Variants in ADCK2 observed in about 807,000 individuals in gnomAD.
ADCK2 encodes the protein uncharacterized aarF domain-containing protein kinase 2.
Under a neutral mutation model 52.3 loss-of-function variants are expected in ADCK2, and 37 were observed. The observed-to-expected ratio is 0.71, with a 90% CI of 0.54 to 0.93. The LOEUF (loss-of-function observed/expected upper bound fraction) is 0.93, where lower values mean the gene tolerates loss of function less well. Ranked by LOEUF, ADCK2 falls within the 40% of genes least tolerant of loss-of-function variation. The probability of loss-of-function intolerance (pLI) is 0.00; values close to 1 mark genes in which losing one functional copy is unlikely to be tolerated. For synonymous variants in ADCK2, 321 were observed against 349.2 expected, an observed-to-expected ratio of 0.92 and a Z score of 0.90; for missense variants, 695 against 798.7, an observed-to-expected ratio of 0.87 and a Z score of 1.56.
intron 4 of ADCK2, among the ~76,000 whole-genome samples, chr7:140,685,898 A>G (rs1336650698): frequency 6.6e-6 from 1 of 151,946 alleles, no homozygotes; most frequent in Non-Finnish European, 1.5e-5. Flanking sequence ...GCCAAATCCA[A>G]CACAATCCCT....
chr7:140,673,811 GA>G lies in ADCK2; in HGVS notation c.482del (p.Glu161GlyfsTer14). 6.2e-7 allele frequency: 1 copy of G among 1,613,674 alleles called. No individual in the cohort carries two copies. Among genetic ancestry groups the G allele is most frequent in the Non-Finnish European group, 8.5e-7 (1 of 1,180,006 alleles). On this transcript the variant is annotated frameshift_variant, in exon 1 of 8. Coordinates refer to ENST00000072869, the MANE Select transcript of ADCK2 (RefSeq NM_052853.4). LOFTEE classifies it high-confidence loss of function. The surrounding 1 kb of genome is among the most constrained non-coding windows in gnomAD (Gnocchi z 6.4). ...WASTRRDLFS[E>X]AFCAQFSKLH... ...CAGCACCCGGCGCGATCTGTTTTCGGAGGCTTTCTGTGCCCAATTTTCCAAG... is the reference window on the plus strand; with the variant it reads ...CAGCACCCGGCGCGATCTGTTTTCGGGGCTTTCTGTGCCCAATTTTCCAAG...
Position 140,689,633 on chromosome 7 carries a change from C to G in ADCK2, c.1594C>G (p.Arg532Gly), listed in dbSNP as rs199869285. 1 of 1,611,878 alleles carries G rather than the reference C, an allele frequency of 6.2e-7. No individual in the cohort carries two copies. The change falls in exon 6 of 8, where the codon CGG (arginine) becomes GGG (glycine). Residue 532 changes from arginine (R) to glycine (G), a missense_variant. Coordinates refer to ENST00000072869, the MANE Select transcript of ADCK2 (RefSeq NM_052853.4). ...GGCTGAGCTGATCCTGCATCATGCC[C>G]GGGCCAGCGAGTGCAGGGACGTGGA... ...RVAELILHHARASECRDVEGF... is the reference protein window; with the variant it reads ...RVAELILHHAGASECRDVEGF...
intron 5 of ADCK2, among the ~76,000 whole-genome samples, chr7:140,687,772 G>A (rs2130789457): frequency 6.6e-6 from 1 of 152,076 alleles, no homozygotes; most frequent in East Asian, 1.9e-4. Context: ...CAGCTACTTG[G>A]GAGGCTGAGG....
chr7:140,674,742 G>A lies in ADCK2; in HGVS notation c.1065G>A (p.Lys355=). The A allele has an allele frequency of 1.2e-6, 2 of 1,614,074 alleles. No homozygotes were observed. Among genetic ancestry groups the A allele is most frequent in the African/African-American group, 1.3e-5 (1 of 75,042 alleles). The change falls in exon 2 of 8, where the codon AAG becomes AAA. Residue 355 remains lysine (K), a synonymous_variant. Coordinates refer to ENST00000072869, the MANE Select transcript of ADCK2 (RefSeq NM_052853.4). The surrounding 1 kb of genome is among the most constrained non-coding windows in gnomAD (Gnocchi z 4.6). ...SLPEIVEEFE[K]LMVQQIDLRY... ...CTGAGATTGTGGAGGAATTTGAGAA[G>A]CTGATGGTCCAACAGGTGAGTTCTC...
Position 140,695,008 on chromosome 7 carries a change from G to A in ADCK2, c.*205G>A, listed in dbSNP as rs1170263818. On this transcript the variant is annotated 3_prime_UTR_variant, in exon 8 of 8. Coordinates refer to ENST00000072869, the MANE Select transcript of ADCK2 (RefSeq NM_052853.4). ...CAATTAGGGAGTAAAAGGAGGGAAG[G>A]GGCCTATCCATTCCATTGTGGAAGC... 3 of 1,309,420 alleles carry A rather than the reference G, an allele frequency of 2.3e-6. No individual in the cohort carries two copies. The highest frequency in any genetic ancestry group is 2.9e-6 in the Non-Finnish European group (3 of 1,031,720). 81.1% of individuals were successfully genotyped at this position (1,309,420 alleles called of 1,614,324 possible). A position where few individuals can be genotyped will look rare whatever the true frequency, so the allele number is the denominator to read the frequency against.
Position 140,695,094 on chromosome 7 carries a change from A to C in ADCK2, c.*291A>C, listed in dbSNP as rs1794777422. The C allele has an allele frequency of 5.2e-6, 6 of 1,149,660 alleles. No individual in the cohort carries two copies. Among genetic ancestry groups the C allele is most frequent in the African/African-American group, 1.6e-5 (1 of 62,310 alleles). The allele number at this position is 1,149,660 out of a possible 1,614,324, so 71.2% of individuals were successfully genotyped here. On this transcript the variant is annotated 3_prime_UTR_variant, in exon 8 of 8. Transcript: ENST00000072869. ...AATGTTATGTGGAGGAGGACGAATA[A>C]ATTTATTTTGTTTTCCTGTTTTTCT...
chr7:140,693,614 A>T lies in ADCK2; in HGVS notation c.1741-1049A>T, dbSNP rs1273765878. On this transcript the variant is annotated intron_variant, in intron 7 of 7. Coordinates refer to ENST00000072869, the MANE Select transcript of ADCK2 (RefSeq NM_052853.4). This position sits in a 1 kb window ranked among gnomAD's most constrained non-coding sequence, Gnocchi z 4.0. ...GGGGATAACGATGATACTTTTGAAG[A>T]ATAGTTGAAGAATCCATGTCAATTG... is the stretch of plus-strand genomic sequence containing the variant. 6.6e-6 allele frequency among the ~76,000 whole-genome samples: 1 copy of T among 152,176 alleles called. No individual in the cohort carries two copies. The highest frequency in any genetic ancestry group is 1.5e-5 in the Non-Finnish European group (1 of 68,042).
chr7:140,687,548 C>T (rs1432614556), intron 5 of ADCK2, among the ~76,000 whole-genome samples: 1 of 152,042 alleles, frequency 6.6e-6, no homozygotes, highest in Non-Finnish European at 1.5e-5. Context: ...AATCCTGTCT[C>T]TACTAAAAAT....
At position 140,687,138 on chromosome 7, in the gene ADCK2, G is replaced by T; in HGVS notation, c.1454G>T (p.Cys485Phe). 1.9e-6 allele frequency: 3 copies of T among 1,613,398 alleles called. No homozygotes were observed. The highest frequency in any genetic ancestry group is 1.7e-6 in the Non-Finnish European group (2 of 1,179,740). ...GTGGTGGCCGTGCCATCTTCCCTCT[G>T]CCCGCTGCGACTGGTGCTGCTGGAT... The part of the protein sequence containing the change: ...TLVVAVPSSL[C>F]PLRLVLLDAG... Residue 485 changes from cysteine (C) to phenylalanine (F), a missense_variant, in exon 5 of 8, where the codon TGC becomes TTC. Cys to Phe is a radical substitution (Grantham distance 205). Transcript: ENST00000072869.
At chr7:140,679,031 T>G in intron 2 of ADCK2, 124 bp from the exon 3 acceptor site, 1 of 1,309,178 alleles carries the variant, frequency 7.6e-7, no homozygotes, top group Non-Finnish European at 1.1e-6. Context: ...CTGGGCAAGT[T>G]CTGCGGGGCA....
chr7:140,679,918 C>T (rs1794487636), intron 3 of ADCK2, among the ~76,000 whole-genome samples: 1 of 152,014 alleles, frequency 6.6e-6, no homozygotes, highest in South Asian at 2.1e-4. Context: ...AAGTGATCTG[C>T]CTGCCTTGGC....
At position 140,674,009 on chromosome 7, in the gene ADCK2, G is replaced by T; in HGVS notation, c.679G>T (p.Asp227Tyr). The T allele has an allele frequency of 6.2e-7, 1 of 1,614,120 alleles. No individual in the cohort carries two copies. Among genetic ancestry groups the T allele is most frequent in the Non-Finnish European group, 8.5e-7 (1 of 1,180,034 alleles). The change falls in exon 1 of 8, where the codon GAC (aspartate) becomes TAC (tyrosine). Residue 227 changes from aspartate (D) to tyrosine (Y), a missense_variant. By Grantham distance (160) the Asp-to-Tyr change is radical (BLOSUM62 -3). Coordinates refer to ENST00000072869, the MANE Select transcript of ADCK2 (RefSeq NM_052853.4). The surrounding 1 kb of genome is among the most constrained non-coding windows in gnomAD (Gnocchi z 4.6). ...AYANTAFLET[D>Y]SVQRLGRASC... Reference sequence around the variant, plus strand: ...CGCCAACACTGCCTTCCTGGAGACTGACAGCGTCCAGAGACTTGGCAGGGC... The same window carrying T: ...CGCCAACACTGCCTTCCTGGAGACTTACAGCGTCCAGAGACTTGGCAGGGC...
At chr7:140,677,188 A>G (rs1423583597) in intron 2 of ADCK2, among the ~76,000 whole-genome samples, 1 of 152,152 alleles carries the variant, frequency 6.6e-6, no homozygotes, top group African/African-American at 2.4e-5. Context: ...CAGGTGGATC[A>G]CTTGAGGTCA....
intron 3 of ADCK2, among the ~76,000 whole-genome samples, chr7:140,680,511 G>A (rs1794498525): frequency 6.6e-6 from 1 of 151,250 alleles, no homozygotes; most frequent in African/African-American, 2.4e-5. Context: ...ACCCCTATTG[G>A]CTGATTCTTG....
intron 3 of ADCK2, among the ~76,000 whole-genome samples, chr7:140,680,480 G>A (rs1444812546): frequency 6.6e-6 from 1 of 151,018 alleles, no homozygotes; most frequent in Non-Finnish European, 1.5e-5. Context: ...GTAGAGATGG[G>A]GGTCTCCTTA....
At chr7:140,694,486 C>T (rs950584991) in intron 7 of ADCK2, among the ~76,000 whole-genome samples, 177 bp from the exon 8 acceptor site, 2 of 151,870 alleles carry the variant, frequency 1.3e-5, no homozygotes, top group Admixed American at 1.3e-4. Flanking sequence ...GGAGGCTGGG[C>T]GAGTAGGTGA....
At position 140,695,018 on chromosome 7, in the gene ADCK2, A is replaced by C; in HGVS notation, c.*215A>C. On this transcript the variant is annotated 3_prime_UTR_variant, in exon 8 of 8. Transcript: ENST00000072869. ...GTAAAAGGAGGGAAGGGGCCTATCC[A>C]TTCCATTGTGGAAGCTGGGCCAGGT... 1.6e-6 allele frequency: 2 copies of C among 1,280,458 alleles called. No individual in the cohort carries two copies. The highest frequency in any genetic ancestry group is 5.8e-5 in the South Asian group (2 of 34,620). 79.3% of individuals were successfully genotyped at this position (1,280,458 alleles called of 1,614,324 possible). A position where few individuals can be genotyped will look rare whatever the true frequency, so the allele number is the denominator to read the frequency against.
Position 140,674,364 on chromosome 7 carries a change from G to T in ADCK2, c.933+101G>T. On this transcript the variant is annotated intron_variant, in intron 1 of 7. Transcript: ENST00000072869. This position sits in a 1 kb window ranked among gnomAD's most constrained non-coding sequence, Gnocchi z 4.6. ...CCCCCACGTTTATTTCTATTTGCCT[G>T]ACCAATATCTGAGTGCTTATTTCAT... is the stretch of plus-strand genomic sequence containing the variant. 1 of 1,309,502 alleles carries T rather than the reference G, an allele frequency of 7.6e-7. No individual in the cohort carries two copies. Among genetic ancestry groups the T allele is most frequent in the South Asian group, 1.5e-5 (1 of 67,792 alleles). The allele number at this position is 1,309,502 out of a possible 1,614,324, so 81.1% of individuals were successfully genotyped here.
chr7:140,685,364 C>T (rs540425802), intron 4 of ADCK2, among the ~76,000 whole-genome samples: 10 of 151,698 alleles, frequency 6.6e-5, no homozygotes, highest in African/African-American at 2.2e-4. Context: ...GCAGAAGAAT[C>T]GCTTGAACCC....
Sources: allele counts gnomAD v4.1 joint callset (sites outside exome capture counted in the v4.1 genomes callset), GRCh38; gene constraint gnomAD v4.1.1; non-coding constraint Gnocchi (gnomAD v3.1); transcripts MANE v1.5; gene names NCBI Gene and HGNC (gene_info 2026-07-23, HGNC 2026-07-21).